Variants in ADAR observed in about 807,000 individuals in gnomAD.
The protein encoded by ADAR is double-stranded RNA-specific adenosine deaminase.
Under a neutral mutation model 113.2 loss-of-function variants are expected in ADAR, and 41 were observed. The ratio of observed to expected loss-of-function variants is 0.36; its 90% CI spans 0.28 to 0.47. ADAR has a LOEUF of 0.47. ADAR is among the 20% of genes least tolerant of loss of function. The pLI is 1.00. For synonymous variants in ADAR, 605 were observed against 572.6 expected, an observed-to-expected ratio of 1.06 and a Z score of -0.81; for missense variants, 1,242 against 1,540.9, an observed-to-expected ratio of 0.81 and a Z score of 3.25.
At chr1:154,612,517 CG>C (rs1263722879), upstream of ADAR, among the ~76,000 whole-genome samples, 1 of 151,316 alleles carries the variant, frequency 6.6e-6, no homozygotes, top group Non-Finnish European at 1.5e-5. Context: ...TTATTAGAGA[CG>C]GGGTTTCACT....
At chr1:154,605,990 G>C (rs1307482487) in intron 1 of ADAR, 1 of 945,444 alleles carries the variant, frequency 1.1e-6, no homozygotes, top group East Asian at 1.2e-4. Flanking sequence ...TTCATTCTAT[G>C]GAATAGTACT....
chr1:154,602,426 C>A lies in ADAR; in HGVS notation c.216G>T (p.Arg72=), dbSNP rs201141196. The part of the protein sequence containing the change: ...PSLPPSLPGL[R]PRFPVLLASS... Reference sequence around the variant, plus strand: ...AGGCAAGTAGTACTGGAAACCTTGGCCGGAGTCCTGGGAGGGAAGGTGGCA... The same window carrying A: ...AGGCAAGTAGTACTGGAAACCTTGGACGGAGTCCTGGGAGGGAAGGTGGCA... The change falls in exon 2 of 15, where the codon CGG becomes CGT. Residue 72 remains arginine, a synonymous_variant. Transcript: ENST00000368474. 1.2e-6 allele frequency: 2 copies of A among 1,609,074 alleles called. No individual in the cohort carries two copies. The highest frequency in any genetic ancestry group is 1.7e-5 in the Admixed American group (1 of 59,800).
chr1:154,624,069 C>T (rs745912680), intron 1 of ADAR, among the ~76,000 whole-genome samples: 4 of 151,572 alleles, frequency 2.6e-5, no homozygotes, highest in Non-Finnish European at 4.4e-5. Flanking sequence ...ATAAAGAAAA[C>T]GGAGCCGAAA....
chr1:154,600,707 C>T (rs1697812934), intron 2 of ADAR: 6 of 361,708 alleles, frequency 1.7e-5, no homozygotes, highest in South Asian at 1.2e-4. Context: ...CTCCTGACCT[C>T]GTGATATGCC....
chr1:154,595,013 G>A (rs1011286141), intron 6 of ADAR, among the ~76,000 whole-genome samples: 1 of 152,182 alleles, frequency 6.6e-6, no homozygotes, highest in Admixed American at 6.5e-5. Flanking sequence ...CAGGGGCCCC[G>A]TAAGATTATG....
At position 154,583,762 on chromosome 1, in the gene ADAR, G is replaced by T. The variant is rs376309336; in HGVS notation, c.*1044C>A. ...CATGTGACTTAGTCAACTTCCCTTG[G>T]TGTCACTGTCATGAGAGATATTACA... is the stretch of plus-strand genomic sequence containing the variant. On this transcript the variant is annotated 3_prime_UTR_variant, in exon 15 of 15. Coordinates refer to ENST00000368474, the MANE Select transcript of ADAR (RefSeq NM_001111.5). 5 of 152,232 alleles carry T rather than the reference G, an allele frequency of 3.3e-5. No individual in the cohort carries two copies. Among genetic ancestry groups the T allele is most frequent in the African/African-American group, 1.2e-4 (5 of 41,520 alleles). The allele number at this position is 152,232 out of a possible 1,614,324, so 9.4% of individuals were successfully genotyped here.
intron 3 of ADAR, 114 bp downstream of exon 3, chr1:154,598,288 A>G: frequency 1.7e-6 from 2 of 1,181,986 alleles, no homozygotes; most frequent in Non-Finnish European, 2.5e-6. Flanking sequence ...GAAGAGTGGG[A>G]AGCTGACTCC....
intron 12 of ADAR, 85 bp downstream of exon 12, chr1:154,586,096 A>T: frequency 6.4e-7 from 1 of 1,550,944 alleles, no homozygotes; most frequent in Non-Finnish European, 8.9e-7. Flanking sequence ...TAAGGGAGAC[A>T]AAACACCTGG....
rs1028398527 is a variant in ADAR at position 154,584,589 on chromosome 1, T to C, written c.*217A>G. The C allele has an allele frequency of 7.0e-6, 4 of 571,018 alleles. No homozygotes were observed. In the African/African-American group the frequency reaches 7.5e-5, roughly 11 times the overall value. The allele number at this position is 571,018 out of a possible 1,614,324, so 35.4% of individuals were successfully genotyped here. A position where few individuals can be genotyped will look rare whatever the true frequency, so the allele number is the denominator to read the frequency against. On this transcript the variant is annotated 3_prime_UTR_variant, in exon 15 of 15. Transcript: ENST00000368474. Reference sequence around the variant, plus strand: ...ACTTCTTAGGTTTCTGCCTCTTCACTTGGGGGAAAAAAGGGGGGCCTGGCC... The same window carrying C: ...ACTTCTTAGGTTTCTGCCTCTTCACCTGGGGGAAAAAAGGGGGGCCTGGCC...
At chr1:154,623,442 T>C (rs919255836) in intron 1 of ADAR, among the ~76,000 whole-genome samples, 6 of 152,196 alleles carry the variant, frequency 3.9e-5, no homozygotes, top group East Asian at 1.9e-4. Context: ...AGAGCACACA[T>C]GTAAGCACAC....
intron 3 of ADAR, 102 bp downstream of exon 3, chr1:154,598,300 A>C: frequency 7.7e-7 from 1 of 1,299,308 alleles, no homozygotes; most frequent in Non-Finnish European, 1.1e-6. Flanking sequence ...GCTGACTCCG[A>C]GATGGTGTCA....
intron 1 of ADAR, among the ~76,000 whole-genome samples, chr1:154,623,605 C>A (rs1036658516): frequency 6.6e-6 from 1 of 152,184 alleles, no homozygotes; most frequent in Non-Finnish European, 1.5e-5. Context: ...ATTGTGGTCT[C>A]CCTATTTCCT....
chr1:154,590,155 AAAAAGGCACC>A lies in ADAR; in HGVS notation c.2496+19_2496+28del, dbSNP rs757798297. On this transcript the variant is annotated intron_variant, in intron 7 of 14. Coordinates refer to ENST00000368474, the MANE Select transcript of ADAR (RefSeq NM_001111.5). The stretch of plus-strand genomic sequence containing the variant: ...GAGTTAGGAGGACCCCCCCGCCCCA[AAAAAGGCACC>A]AAAAGTAGACGTCTTAACTGTCTTT... 2.1e-6 allele frequency: 2 copies of A among 941,998 alleles called. No individual in the cohort carries two copies. Among genetic ancestry groups the A allele is most frequent in the East Asian group, 6.6e-5 (2 of 30,176 alleles). 58.4% of individuals were successfully genotyped at this position (941,998 alleles called of 1,614,324 possible).
In ADAR at chr1:154,598,432, G is replaced by A. The variant is rs1016268013; in HGVS notation, c.1755C>T (p.Ser585=). The A allele has an allele frequency of 1.9e-6, 3 of 1,614,146 alleles. No homozygotes were observed. The highest frequency in any genetic ancestry group is 2.5e-6 in the Non-Finnish European group (3 of 1,180,024). The part of the protein sequence containing the change: ...AKDSGKSEES[S]HYSTEKESEK... ...CTGATTCTTTCTCTGTGGAATAGTG[G>A]GATGATTCTTCTGATTTTCCACTGT... The change falls in exon 3 of 15, where the codon TCC becomes TCT. Residue 585 remains serine (S), a synonymous_variant. Transcript: ENST00000368474.
At chr1:154,626,865 C>T (rs1045484220) in intron 1 of ADAR, among the ~76,000 whole-genome samples, 24 of 152,288 alleles carry the variant, frequency 1.6e-4, no homozygotes, top group Middle Eastern at 6.8e-3. Context: ...TAAATAACGA[C>T]CAAGATATTT....
chr1:154,608,327 T>TA, upstream of ADAR: 1 of 405,768 alleles, frequency 2.5e-6, no homozygotes, highest in South Asian at 3.9e-5. Flanking sequence ...CTACGGAAGG[T>TA]ACTTTTTTTT....
chr1:154,606,703 T>C (rs1055675684), intron 1 of ADAR, among the ~76,000 whole-genome samples: 2 of 152,158 alleles, frequency 1.3e-5, no homozygotes, highest in African/African-American at 4.8e-5. Flanking sequence ...CAACCCACAG[T>C]GATCCTTTCT....
At chr1:154,606,031 A>C in intron 1 of ADAR, 6 of 840,260 alleles carry the variant, frequency 7.1e-6, no homozygotes, top group Non-Finnish European at 8.6e-6. Context: ...TGTGAGACGG[A>C]GTCTCGCTCT....
At chr1:154,612,318 GTTT>G (rs55714254), upstream of ADAR, among the ~76,000 whole-genome samples, 14 of 69,196 alleles carry the variant, frequency 2.0e-4, no homozygotes, top group East Asian at 5.0e-4. Context: ...AAATTACTCA[GTTT>G]TTTTTTTTTT....
Sources: gnomAD v4.1 joint callset for allele counts (sites outside exome capture counted in the v4.1 genomes callset) on GRCh38, gnomAD v4.1.1 for gene constraint, MANE v1.5 for transcripts, NCBI Gene and HGNC (gene_info 2026-07-23, HGNC 2026-07-21) for gene names.